PTPRO: variants seen among roughly 807,000 people sequenced by gnomAD.
PTPRO encodes receptor-type tyrosine-protein phosphatase O.
A neutral mutation model predicts 145.2 loss-of-function variants in PTPRO; 62 were observed. The observed-to-expected ratio is 0.43, with a 90% CI of 0.35 to 0.53. PTPRO has a LOEUF of 0.53. PTPRO is among the 20% of genes least tolerant of loss of function. The probability of loss-of-function intolerance (pLI) is 0.01; values close to 1 mark genes in which losing one functional copy is unlikely to be tolerated. For synonymous variants in PTPRO, 565 were observed against 514.7 expected, an observed-to-expected ratio of 1.10 and a Z score of -1.32; for missense variants, 1,345 against 1,482.7, an observed-to-expected ratio of 0.91 and a Z score of 1.53.
At chr12:15,450,909 T>C (rs1941028969) in intron 1 of PTPRO, among the ~76,000 whole-genome samples, 1 of 152,024 alleles carries the variant, frequency 6.6e-6, no homozygotes, top group African/African-American at 2.4e-5. Context: ...TCACAGGACC[T>C]ATAAAACAAC....
chr12:15,504,006 A>G lies in PTPRO; in HGVS notation c.1204A>G (p.Ser402Gly). 6.2e-7 allele frequency: 1 copy of G among 1,612,048 alleles called. No homozygotes were observed. Among genetic ancestry groups the G allele is most frequent in the Non-Finnish European group, 8.5e-7 (1 of 1,178,228 alleles). Residue 402 changes from serine to glycine, a missense_variant, in exon 6 of 27, where the codon AGT becomes GGT. Ser to Gly is a moderately conservative substitution (Grantham distance 56). Around this residue, in one of 3 missense-constraint regions of PTPRO, gnomAD observed 1,130 missense variants for 1,214.7 expected, o/e 0.93. Transcript: ENST00000281171. ...ATATAAGTTATCTGTGACAACCTTT[A>G]GTTCCTCAGGATCTTGTGAAACTCG... ...GKYKLSVTTF[S>G]SSGSCETRKS...
chr12:15,417,715 G>A (rs1020617702), intron 1 of PTPRO, among the ~76,000 whole-genome samples: 5 of 151,722 alleles, frequency 3.3e-5, no homozygotes, highest in African/African-American at 7.3e-5. Flanking sequence ...AAGAACTGAC[G>A]GCACGGCTTA....
intron 1 of PTPRO, among the ~76,000 whole-genome samples, chr12:15,452,638 G>C (rs1941075998): frequency 6.6e-6 from 1 of 152,136 alleles, no homozygotes; most frequent in Non-Finnish European, 1.5e-5. Flanking sequence ...ATATCAAAAA[G>C]ATAATTCACC....
At chr12:15,407,014 A>G (rs1939665578) in intron 1 of PTPRO, among the ~76,000 whole-genome samples, 1 of 152,198 alleles carries the variant, frequency 6.6e-6, no homozygotes, top group Non-Finnish European at 1.5e-5. Context: ...ATGGTTTGGT[A>G]CATAAAGTGT....
intron 15 of PTPRO, among the ~76,000 whole-genome samples, chr12:15,556,683 C>A (rs1189361987): frequency 3.3e-5 from 5 of 152,060 alleles, no homozygotes; most frequent in African/African-American, 1.2e-4. Context: ...AGGAAGTAAA[C>A]AATCCACTTG....
At chr12:15,483,864 T>C in intron 1 of PTPRO, 110 bp from the exon 2 acceptor site, 1 of 1,192,928 alleles carries the variant, frequency 8.4e-7, no homozygotes, top group South Asian at 1.3e-5. Flanking sequence ...ACCATAAACA[T>C]AACTAATGTT....
intron 1 of PTPRO, among the ~76,000 whole-genome samples, chr12:15,421,951 G>A (rs1353407009): frequency 1.3e-5 from 2 of 151,570 alleles, no homozygotes; most frequent in Non-Finnish European, 2.9e-5. Context: ...CCTGATACAT[G>A]AAAAGAATTT....
At chr12:15,448,139 G>T (rs1194810864) in intron 1 of PTPRO, among the ~76,000 whole-genome samples, 1 of 151,670 alleles carries the variant, frequency 6.6e-6, no homozygotes, top group African/African-American at 2.4e-5. Context: ...CATTTCTTTA[G>T]CCTATAAGAT....
intron 6 of PTPRO, among the ~76,000 whole-genome samples, chr12:15,507,607 T>A (rs918848317): frequency 3.3e-5 from 5 of 152,212 alleles, no homozygotes; most frequent in African/African-American, 1.2e-4. Flanking sequence ...TACGGTAGCA[T>A]CCTTGTGTCT....
At chr12:15,461,529 C>G (rs1224297103) in intron 1 of PTPRO, among the ~76,000 whole-genome samples, 1 of 148,390 alleles carries the variant, frequency 6.7e-6, no homozygotes, top group Non-Finnish European at 1.5e-5. Flanking sequence ...TCCCCCACTG[C>G]TATTTCCTAG....
At chr12:15,425,216 G>A (rs1188355206) in intron 1 of PTPRO, among the ~76,000 whole-genome samples, 1 of 152,012 alleles carries the variant, frequency 6.6e-6, no homozygotes, top group African/African-American at 2.4e-5. Flanking sequence ...CCATACACAA[G>A]GTTTATTTTA....
At chr12:15,533,838 G>C (rs868165940) in intron 12 of PTPRO, among the ~76,000 whole-genome samples, 2 of 152,142 alleles carry the variant, frequency 1.3e-5, no homozygotes, top group Non-Finnish European at 2.9e-5. Flanking sequence ...AACTGGTTGG[G>C]CTAACCTGCA....
At chr12:15,367,214 C>A (rs936262998) in intron 1 of PTPRO, among the ~76,000 whole-genome samples, 2 of 152,078 alleles carry the variant, frequency 1.3e-5, no homozygotes, top group African/African-American at 4.8e-5. Flanking sequence ...TATAGGCAAA[C>A]GTTTCTGAAG....
rs1458609080 is a variant in PTPRO at position 15,598,265 on chromosome 12, T to G, written c.*2192T>G. 1.3e-5 allele frequency among the ~76,000 whole-genome samples: 2 copies of G among 152,224 alleles called. No individual in the cohort carries two copies. The highest frequency in any genetic ancestry group is 3.8e-4 in the East Asian group (2 of 5,200). On this transcript the variant is annotated 3_prime_UTR_variant, in exon 27 of 27. Coordinates refer to ENST00000281171, the MANE Select transcript of PTPRO (RefSeq NM_030667.3). ...GCATCAGTCTGTCAAAAGACTTGTT[T>G]AATCCTGATAATGACTTTGGAATTA...
Position 15,484,066 on chromosome 12 carries a change from T to C in PTPRO, c.168T>C (p.Tyr56=). The change falls in exon 2 of 27, where the codon TAT becomes TAC. Residue 56 remains tyrosine (Y), a synonymous_variant. Coordinates refer to ENST00000281171, the MANE Select transcript of PTPRO (RefSeq NM_030667.3). ...ASDVISPASV[Y]VVKITGESKN... ...ACGTCATCAGTCCAGCATCTGTGTA[T>C]GTTGTGAAGATAACTGGTGAATCCA... The C allele has an allele frequency of 6.2e-7, 1 of 1,613,872 alleles. No individual in the cohort carries two copies. The highest frequency in any genetic ancestry group is 8.5e-7 in the Non-Finnish European group (1 of 1,179,802).
chr12:15,411,660 C>A (rs569954222), intron 1 of PTPRO, among the ~76,000 whole-genome samples: 1 of 152,152 alleles, frequency 6.6e-6, no homozygotes, highest in Non-Finnish European at 1.5e-5. Flanking sequence ...TCAGATCTTG[C>A]CGGACTTATT....
chr12:15,391,355 C>T (rs1175115190), intron 1 of PTPRO, among the ~76,000 whole-genome samples: 2 of 152,162 alleles, frequency 1.3e-5, no homozygotes, highest in African/African-American at 4.8e-5. Flanking sequence ...TTTATAATCT[C>T]CCTTCTTTAC....
chr12:15,375,832 A>G (rs1412348735), intron 1 of PTPRO, among the ~76,000 whole-genome samples: 2 of 152,130 alleles, frequency 1.3e-5, no homozygotes, highest in Non-Finnish European at 2.9e-5. Context: ...GCTTTAAAGC[A>G]TAATAACTAA....
chr12:15,505,257 A>G (rs1051281047), intron 6 of PTPRO, among the ~76,000 whole-genome samples: 6 of 152,364 alleles, frequency 3.9e-5, no homozygotes, highest in Admixed American at 6.5e-5. Flanking sequence ...TAGACAGCAC[A>G]AAACACATAA....
Sources: gnomAD v4.1 joint callset for allele counts (sites outside exome capture counted in the v4.1 genomes callset) on GRCh38, gnomAD v4.1.1 for gene constraint, gnomAD v4.1.1 regional missense constraint, MANE v1.5 for transcripts, NCBI Gene and HGNC (gene_info 2026-07-23, HGNC 2026-07-21) for gene names.